Variants in TLL1 observed in about 807,000 individuals in gnomAD.
The protein encoded by TLL1 is tolloid-like protein 1.
TLL1 carries 49 observed loss-of-function variants against 128.2 expected under a neutral mutation model. The observed-to-expected ratio is 0.38, with a 90% CI of 0.30 to 0.48. TLL1 has a LOEUF of 0.48. TLL1 is among the 20% of genes least tolerant of loss of function. TLL1 has a pLI of 0.96. For missense variants in TLL1, 1,123 were observed against 1,242.0 expected, an observed-to-expected ratio of 0.90 and a Z score of 1.44; for synonymous variants, 454 against 418.8, an observed-to-expected ratio of 1.08 and a Z score of -1.03.
intron 9 of TLL1, among the ~76,000 whole-genome samples, chr4:166,026,456 G>T (rs1738495647): frequency 6.6e-6 from 1 of 152,174 alleles, no homozygotes. Flanking sequence ...GGAGGCTGAG[G>T]AGGGTGGATC....
chr4:165,977,669 A>T (rs114600769), intron 1 of TLL1, among the ~76,000 whole-genome samples: 1 of 152,340 alleles, frequency 6.6e-6, no homozygotes, highest in Non-Finnish European at 1.5e-5. Flanking sequence ...AATAAACTAC[A>T]TCCAGTGTAA....
chr4:165,980,172 G>T (rs1736090747), intron 1 of TLL1, among the ~76,000 whole-genome samples: 1 of 151,816 alleles, frequency 6.6e-6, no homozygotes, highest in African/African-American at 2.4e-5. Flanking sequence ...TTTATATTGA[G>T]AATATGTTGG....
chr4:165,925,561 T>A (rs138359960), intron 1 of TLL1, among the ~76,000 whole-genome samples: 115 of 152,298 alleles, frequency 7.6e-4, no homozygotes, highest in African/African-American at 2.7e-3. Context: ...TGAGATAGAA[T>A]ATACCCCAGG....
chr4:165,984,430 T>G (rs1736303656), intron 1 of TLL1, among the ~76,000 whole-genome samples: 1 of 151,928 alleles, frequency 6.6e-6, no homozygotes, highest in African/African-American at 2.4e-5. Flanking sequence ...GGGAATTTGC[T>G]CAGTGGTTGT....
At chr4:166,059,291 A>C (rs1334049477) in intron 14 of TLL1, among the ~76,000 whole-genome samples, 1 of 152,126 alleles carries the variant, frequency 6.6e-6, no homozygotes, top group Non-Finnish European at 1.5e-5. Context: ...TTAGGAATTA[A>C]TTATGAACTG....
intron 2 of TLL1, among the ~76,000 whole-genome samples, chr4:165,991,891 G>A (rs781514940): frequency 5.3e-5 from 8 of 151,910 alleles, no homozygotes; most frequent in Admixed American, 1.3e-4. Context: ...TGTATTGGTT[G>A]TTTGCTGAAT....
intron 18 of TLL1, among the ~76,000 whole-genome samples, chr4:166,082,154 A>C (rs1741313200): frequency 6.6e-6 from 1 of 152,144 alleles, no homozygotes; most frequent in African/African-American, 2.4e-5. Context: ...AGGTTTTTTC[A>C]AATGCTAGCA....
At chr4:165,882,320 A>G (rs910813881) in intron 1 of TLL1, among the ~76,000 whole-genome samples, 1 of 152,302 alleles carries the variant, frequency 6.6e-6, no homozygotes, top group East Asian at 1.9e-4. Flanking sequence ...GCAAATTATC[A>G]TATTTTCTAG....
intron 20 of TLL1, among the ~76,000 whole-genome samples, chr4:166,100,262 A>G (rs1742229188): frequency 6.6e-6 from 1 of 152,132 alleles, no homozygotes; most frequent in South Asian, 2.1e-4. Context: ...CCCAAATGAC[A>G]ACTGAAATAT....
chr4:166,086,087 A>G (rs1279520768), intron 18 of TLL1, among the ~76,000 whole-genome samples: 1 of 152,160 alleles, frequency 6.6e-6, no homozygotes, highest in Non-Finnish European at 1.5e-5. Flanking sequence ...GTTATAGATA[A>G]TAGGAATTAC....
intron 12 of TLL1, among the ~76,000 whole-genome samples, chr4:166,044,959 C>T (rs914224468): frequency 1.3e-5 from 2 of 152,074 alleles, no homozygotes; most frequent in Non-Finnish European, 2.9e-5. Context: ...TTTATCAATG[C>T]AATAGCAGTG....
At chr4:166,043,538 G>C in intron 12 of TLL1, 119 bp downstream of exon 12, 2 of 1,426,430 alleles carry the variant, frequency 1.4e-6, no homozygotes, top group Admixed American at 3.4e-5. Context: ...CAGCAAAGAA[G>C]CAAAGGATCG....
intron 1 of TLL1, among the ~76,000 whole-genome samples, chr4:165,972,357 A>C (rs960120919): frequency 8.5e-5 from 13 of 152,200 alleles, no homozygotes; most frequent in African/African-American, 3.1e-4. Context: ...CCTTTGTGGA[A>C]GGACTTTAAT....
chr4:166,044,430 G>A, intron 12 of TLL1: 1 of 1,535,458 alleles, frequency 6.5e-7, no homozygotes, highest in Non-Finnish European at 8.7e-7. Flanking sequence ...TCATCTGGAA[G>A]CCTGTAAATT....
intron 1 of TLL1, among the ~76,000 whole-genome samples, chr4:165,959,754 C>T (rs182983618): frequency 7.4e-4 from 112 of 152,144 alleles, no homozygotes; most frequent in Middle Eastern, 3.4e-3. Context: ...GGATGAAACA[C>T]ACAATTAAGG....
intron 14 of TLL1, among the ~76,000 whole-genome samples, chr4:166,059,510 T>C (rs1740196375): frequency 6.6e-6 from 1 of 152,136 alleles, no homozygotes; most frequent in African/African-American, 2.4e-5. Flanking sequence ...GTCTGGTAGC[T>C]CAGGTAATAT....
In TLL1 at chr4:165,890,983, C is replaced by A. The variant is rs117102902; in HGVS notation, c.169+16910C>A. Among the ~76,000 whole-genome samples the A allele has an allele frequency of 2.4e-3, 363 of 152,314 alleles. 2 individuals are homozygous for A. The East Asian group carries it at 0.043, about 18-fold the overall frequency. On this transcript the variant is annotated intron_variant, in intron 1 of 20. Transcript: ENST00000061240. ...TCTCTGAAATCTAGGCAGAGGTTCC[C>A]AGACCTCAGTTCTTGACTTCTGTGC...
chr4:166,090,903 C>T (rs917157417), intron 18 of TLL1, among the ~76,000 whole-genome samples: 1 of 151,868 alleles, frequency 6.6e-6, no homozygotes, highest in Non-Finnish European at 1.5e-5. Flanking sequence ...TTTTAATAGC[C>T]AAATAGTGGA....
intron 1 of TLL1, among the ~76,000 whole-genome samples, chr4:165,942,477 T>G (rs566299376): frequency 6.6e-5 from 10 of 152,102 alleles, no homozygotes; most frequent in Admixed American, 6.6e-4. Context: ...ATGATTGGGT[T>G]GAGGCAAAAG....
Sources: gnomAD v4.1 joint callset for allele counts (sites outside exome capture counted in the v4.1 genomes callset) on GRCh38, gnomAD v4.1.1 for gene constraint, MANE v1.5 for transcripts, NCBI Gene and HGNC (gene_info 2026-07-23, HGNC 2026-07-21) for gene names.